HDX: variants seen among roughly 807,000 people sequenced by gnomAD.
The protein encoded by HDX is chromosome X open reading frame 43.
Under a neutral mutation model 45.2 loss-of-function variants are expected in HDX, and 19 were observed. The observed-to-expected ratio is 0.42, with a 90% confidence interval of 0.29 to 0.62. The LOEUF is 0.62. HDX is among the 20% of genes least tolerant of loss of function. HDX has a pLI of 0.20. For synonymous variants in HDX, 188 were observed against 172.8 expected, an observed-to-expected ratio of 1.09 and a Z score of -0.69; for missense variants, 532 against 493.9, an observed-to-expected ratio of 1.08 and a Z score of -0.73.
At chrX:84,432,980 T>G (rs2039539182) in intron 5 of HDX, among the ~76,000 whole-genome samples, 1 of 111,370 alleles carries the variant, frequency 9.0e-6, no homozygotes, top group Non-Finnish European at 1.9e-5. Flanking sequence ...TTTTGTCTTC[T>G]TTGAGAAATA....
intron 5 of HDX, among the ~76,000 whole-genome samples, chrX:84,363,884 A>T (rs947141966): frequency 6.6e-4 from 73 of 111,309 alleles, no homozygotes; most frequent in African/African-American, 2.0e-3. Flanking sequence ...TGAAGGAGGG[A>T]GGCAATTATC....
chrX:84,438,561 T>C (rs186625712), intron 5 of HDX, among the ~76,000 whole-genome samples: 5 of 106,469 alleles, frequency 4.7e-5, no homozygotes, highest in Non-Finnish European at 9.7e-5. Context: ...CCACATCTAG[T>C]GAGCCCCAGT....
intron 1 of HDX, among the ~76,000 whole-genome samples, chrX:84,488,810 C>T (rs1250031305): frequency 1.8e-5 from 2 of 111,771 alleles, no homozygotes; most frequent in Non-Finnish European, 3.8e-5. Flanking sequence ...AATGGGTCAT[C>T]ATTATAAACA....
At chrX:84,342,373 G>C (rs946892766) in intron 7 of HDX, among the ~76,000 whole-genome samples, 1 of 111,340 alleles carries the variant, frequency 9.0e-6, no homozygotes, top group Non-Finnish European at 1.9e-5. Flanking sequence ...ATACTACAAA[G>C]CAAAGAAGAA....
In HDX at chrX:84,479,096, C is replaced by G. The variant is rs143479748; in HGVS notation, c.1-3699G>C. 3.2e-3 allele frequency among the ~76,000 whole-genome samples: 359 copies of G among 111,547 alleles called. 1 individual carries two copies. Among genetic ancestry groups the G allele is most frequent in the East Asian group, 0.02 (71 of 3,552 alleles). On this transcript the variant is annotated intron_variant, in intron 2 of 10. Transcript: ENST00000373177. ...TATTATTCACTTCTAAACTTACATACAGTAAAATTCACTCTTTTTCATGTA... is the reference window on the plus strand; with the variant it reads ...TATTATTCACTTCTAAACTTACATAGAGTAAAATTCACTCTTTTTCATGTA...
At chrX:84,396,984 G>A (rs1421577221) in intron 5 of HDX, among the ~76,000 whole-genome samples, 3 of 112,128 alleles carry the variant, frequency 2.7e-5, no homozygotes, top group Non-Finnish European at 5.6e-5. Context: ...CTGAAGCCTT[G>A]TCACTGGGAA....
At chrX:84,463,387 G>A (rs967079482) in intron 4 of HDX, among the ~76,000 whole-genome samples, 2 of 110,737 alleles carry the variant, frequency 1.8e-5, no homozygotes, top group African/African-American at 3.3e-5. Flanking sequence ...TTAAACTTTC[G>A]TTTCTTTTTA....
intron 6 of HDX, among the ~76,000 whole-genome samples, chrX:84,345,346 T>A (rs1330558748): frequency 9.0e-6 from 1 of 111,432 alleles, no homozygotes; most frequent in Non-Finnish European, 1.9e-5. Context: ...TCTGTCTCCA[T>A]AACTGTGCTT....
intron 5 of HDX, among the ~76,000 whole-genome samples, chrX:84,432,177 C>T (rs762676654): frequency 9.0e-5 from 10 of 111,324 alleles, no homozygotes; most frequent in Non-Finnish European, 9.4e-5. Flanking sequence ...GCTCTCTATT[C>T]TGTTCCATTG....
At chrX:84,381,415 C>G (rs1432403588) in intron 5 of HDX, among the ~76,000 whole-genome samples, 2 of 110,691 alleles carry the variant, frequency 1.8e-5, no homozygotes, top group African/African-American at 6.6e-5. Context: ...AATAACAAAA[C>G]TGGAGGAATT....
Position 84,469,593 on chromosome X carries a change from G to A in HDX, c.148-18C>T, listed in dbSNP as rs774319474. On this transcript the variant is annotated intron_variant, in intron 3 of 10. Transcript: ENST00000373177. ...ACCCACGTCTGGAAGGATAAAACAT[G>A]GTATTATGAAAAAAAAATTAAAAAC... is the stretch of plus-strand genomic sequence containing the variant. 8 of 1,103,011 alleles carry A rather than the reference G, an allele frequency of 7.3e-6. No individual in the cohort carries two copies. The highest frequency in any genetic ancestry group is 7.1e-6 in the Non-Finnish European group (6 of 841,001). The allele number at this position is 1,103,011 out of a possible 1,213,427, so 90.9% of individuals were successfully genotyped here.
At chrX:84,480,886 A>T (rs2040663987) in intron 2 of HDX, among the ~76,000 whole-genome samples, 1 of 111,277 alleles carries the variant, frequency 9.0e-6, no homozygotes, top group South Asian at 3.7e-4. Context: ...TCCTTCATTT[A>T]TGTATTCTAG....
intron 2 of HDX, among the ~76,000 whole-genome samples, chrX:84,477,360 C>A (rs1446730100): frequency 8.9e-6 from 1 of 111,758 alleles, no homozygotes; most frequent in Non-Finnish European, 1.9e-5. Context: ...TATGTTTTCC[C>A]ATTAGCTGGC....
intron 1 of HDX, among the ~76,000 whole-genome samples, chrX:84,497,136 A>T (rs1037793337): frequency 4.5e-5 from 5 of 111,848 alleles, no homozygotes; most frequent in Non-Finnish European, 7.5e-5. Context: ...AAATTTCCTG[A>T]GGCCTCCCCA....
chrX:84,481,740 A>T (rs749361815), intron 2 of HDX, among the ~76,000 whole-genome samples: 6 of 110,142 alleles, frequency 5.4e-5, no homozygotes, highest in Admixed American at 1.9e-4. Context: ...TAGATTCAGG[A>T]TGTATATATG....
At chrX:84,388,714 T>TCTTGGATTC (rs376391699) in intron 5 of HDX, among the ~76,000 whole-genome samples, 300 of 111,915 alleles carry the variant, frequency 2.7e-3, no homozygotes, top group African/African-American at 9.5e-3. Context: ...TTACTAGATT[T>TCTTGGATTC]CTTGGATTCC....
intron 1 of HDX, chrX:84,501,353 A>T (rs1358351326): frequency 9.0e-6 from 1 of 111,439 alleles, no homozygotes; most frequent in Non-Finnish European, 1.9e-5. Flanking sequence ...CTCAGCACCA[A>T]ACTTGATATG....
At chrX:84,390,689 G>T (rs1439277878) in intron 5 of HDX, among the ~76,000 whole-genome samples, 1 of 112,269 alleles carries the variant, frequency 8.9e-6, no homozygotes, top group Admixed American at 9.4e-5. Context: ...GCTGTCAAAA[G>T]ATTTTAAGGT....
At chrX:84,440,654 A>C in intron 4 of HDX, 69 bp from the exon 5 acceptor site, 1 of 644,649 alleles carries the variant, frequency 1.6e-6, no homozygotes, top group African/African-American at 2.2e-5. Flanking sequence ...GATCAACACC[A>C]AAGATTTCAC....
Sources: allele counts gnomAD v4.1 joint callset (sites outside exome capture counted in the v4.1 genomes callset), GRCh38; gene constraint gnomAD v4.1.1; transcripts MANE v1.5; gene names NCBI Gene and HGNC (gene_info 2026-07-23, HGNC 2026-07-21).